The following HS6ST3 variants were observed in gnomAD, a reference collection of about 807,000 sequenced individuals.
HS6ST3 encodes the protein heparan sulfate 6-O-sulfotransferase 3.
Under a neutral mutation model 36.7 loss-of-function variants are expected in HS6ST3, and 12 were observed. The ratio of observed to expected loss-of-function variants is 0.33; its 90% confidence interval spans 0.21 to 0.53. The LOEUF is 0.53. Ranked by LOEUF, HS6ST3 falls within the 20% of genes least tolerant of loss-of-function variation. The probability of loss-of-function intolerance (pLI) is 0.95; values close to 1 mark genes in which losing one functional copy is unlikely to be tolerated. For missense variants in HS6ST3, 584 were observed against 640.9 expected, an observed-to-expected ratio of 0.91 and a Z score of 0.96; for synonymous variants, 240 against 257.5, an observed-to-expected ratio of 0.93 and a Z score of 0.65.
At chr13:96,634,471 T>G (rs1285679373) in intron 1 of HS6ST3, among the ~76,000 whole-genome samples, 1 of 152,210 alleles carries the variant, frequency 6.6e-6, no homozygotes, top group Non-Finnish European at 1.5e-5. Flanking sequence ...CTTCACATCC[T>G]AAGGCGACAG....
At chr13:96,412,845 A>G (rs982106547) in intron 1 of HS6ST3, among the ~76,000 whole-genome samples, 1 of 149,924 alleles carries the variant, frequency 6.7e-6, no homozygotes, top group African/African-American at 2.4e-5. Flanking sequence ...AGTATATTAT[A>G]TATATATATT....
chr13:96,391,795 A>G (rs1441183417), intron 1 of HS6ST3, among the ~76,000 whole-genome samples: 2 of 152,188 alleles, frequency 1.3e-5, no homozygotes, highest in African/African-American at 4.8e-5. Flanking sequence ...TGCACCCACG[A>G]TTCAATCACC....
At chr13:96,391,781 G>T (rs1461101408) in intron 1 of HS6ST3, among the ~76,000 whole-genome samples, 1 of 152,288 alleles carries the variant, frequency 6.6e-6, no homozygotes, top group East Asian at 1.9e-4. Context: ...GCATGGGAAA[G>T]TCCTGCACCC....
intron 1 of HS6ST3, among the ~76,000 whole-genome samples, chr13:96,532,174 C>CT: frequency 6.6e-6 from 1 of 152,156 alleles, no homozygotes; most frequent in Non-Finnish European, 1.5e-5. Context: ...AGACTGAGAA[C>CT]TGAGTCCCCT....
At chr13:96,733,617 A>T (rs1385906072) in intron 1 of HS6ST3, among the ~76,000 whole-genome samples, 2 of 152,228 alleles carry the variant, frequency 1.3e-5, no homozygotes, top group African/African-American at 2.4e-5. Context: ...TGTCAATTTT[A>T]AAAATGTCTT....
At chr13:96,394,199 C>T (rs760313701) in intron 1 of HS6ST3, among the ~76,000 whole-genome samples, 1 of 152,066 alleles carries the variant, frequency 6.6e-6, no homozygotes, top group East Asian at 1.9e-4. Context: ...AGCTGAGGCC[C>T]GTTTACATGT....
intron 1 of HS6ST3, among the ~76,000 whole-genome samples, chr13:96,638,607 A>G (rs1455040494): frequency 6.6e-6 from 1 of 151,854 alleles, no homozygotes; most frequent in Non-Finnish European, 1.5e-5. Context: ...TGGTTTTATA[A>G]GGGGCTTTTT....
At chr13:96,621,010 G>C (rs368219046) in intron 1 of HS6ST3, among the ~76,000 whole-genome samples, 1 of 152,186 alleles carries the variant, frequency 6.6e-6, no homozygotes, top group South Asian at 2.1e-4. Context: ...GGATCCCAGG[G>C]TGTGCTTTGG....
At chr13:96,727,046 C>A (rs1257770359) in intron 1 of HS6ST3, among the ~76,000 whole-genome samples, 2 of 152,166 alleles carry the variant, frequency 1.3e-5, no homozygotes, top group Non-Finnish European at 2.9e-5. Flanking sequence ...ATACCCACTT[C>A]TTTGATTAAA....
intron 1 of HS6ST3, among the ~76,000 whole-genome samples, chr13:96,706,048 T>C (rs1875414970): frequency 1.3e-5 from 2 of 152,196 alleles, no homozygotes; most frequent in Non-Finnish European, 1.5e-5. Flanking sequence ...GAATAATCCA[T>C]TGGTTTCTTT....
intron 1 of HS6ST3, among the ~76,000 whole-genome samples, chr13:96,731,636 G>A (rs966692824): frequency 6.6e-6 from 1 of 151,772 alleles, no homozygotes; most frequent in African/African-American, 2.4e-5. Flanking sequence ...TGGATCATAT[G>A]GTAGTTCAAT....
At chr13:96,778,263 G>C (rs1369213581) in intron 1 of HS6ST3, among the ~76,000 whole-genome samples, 1 of 152,146 alleles carries the variant, frequency 6.6e-6, no homozygotes, top group Non-Finnish European at 1.5e-5. Flanking sequence ...CATAGGACTG[G>C]ACAAAGACTT....
chr13:96,810,823 C>G (rs1878301971), intron 1 of HS6ST3, among the ~76,000 whole-genome samples: 1 of 152,188 alleles, frequency 6.6e-6, no homozygotes, highest in Non-Finnish European at 1.5e-5. Flanking sequence ...ATCCACAAAA[C>G]ACAAGATGAA....
At chr13:96,387,572 T>C (rs2055374447) in intron 1 of HS6ST3, among the ~76,000 whole-genome samples, 1 of 152,134 alleles carries the variant, frequency 6.6e-6, no homozygotes, top group South Asian at 2.1e-4. Context: ...AATATAGAGA[T>C]GGAACAGAAT....
At chr13:96,161,677 A>G (rs1397948790) in intron 1 of HS6ST3, among the ~76,000 whole-genome samples, 2 of 152,220 alleles carry the variant, frequency 1.3e-5, no homozygotes, top group Non-Finnish European at 2.9e-5. Context: ...TTCCCTTCCC[A>G]CACAAAACTC....
chr13:96,285,958 C>T (rs1233740290), intron 1 of HS6ST3, among the ~76,000 whole-genome samples: 2 of 149,712 alleles, frequency 1.3e-5, no homozygotes, highest in Non-Finnish European at 3.0e-5. Flanking sequence ...TCTTTCTCTC[C>T]TGCCTGCCCT....
At chr13:96,176,975 C>T (rs2054215239) in intron 1 of HS6ST3, among the ~76,000 whole-genome samples, 1 of 152,184 alleles carries the variant, frequency 6.6e-6, no homozygotes, top group African/African-American at 2.4e-5. Flanking sequence ...TGAGCAGACA[C>T]TTCTGAAAAG....
intron 1 of HS6ST3, among the ~76,000 whole-genome samples, chr13:96,822,780 G>T (rs960752406): frequency 1.5e-4 from 23 of 152,218 alleles, no homozygotes; most frequent in African/African-American, 5.3e-4. Context: ...TACATCTCAA[G>T]AGGTTGTTTC....
At chr13:96,328,683 A>G (rs1178220374) in intron 1 of HS6ST3, among the ~76,000 whole-genome samples, 1 of 151,960 alleles carries the variant, frequency 6.6e-6, no homozygotes, top group African/African-American at 2.4e-5. Context: ...TATCAGGATG[A>G]TGCTGGCCTC....
Sources: gnomAD v4.1 joint callset for allele counts (sites outside exome capture counted in the v4.1 genomes callset) on GRCh38, gnomAD v4.1.1 for gene constraint, MANE v1.5 for transcripts, NCBI Gene and HGNC (gene_info 2026-07-23, HGNC 2026-07-21) for gene names.